RHOU: variants seen among roughly 807,000 people sequenced by gnomAD.
RHOU encodes rho-related GTP-binding protein RhoU.
A neutral mutation model predicts 12.6 loss-of-function variants in RHOU; 8 were observed. The ratio of observed to expected loss-of-function variants is 0.64; its 90% CI spans 0.37 to 1.15. RHOU has a LOEUF of 1.15. Ranked by LOEUF, RHOU falls within the 50% of genes most tolerant of loss-of-function variation. The pLI, the probability that RHOU is intolerant of heterozygous loss-of-function variation, is 0.01. For missense variants in RHOU, 258 were observed against 347.0 expected (o/e 0.74, Z 2.04); for synonymous variants, 161 against 147.4 (o/e 1.09, Z -0.67).
chr1:228,733,862 G>A (rs754163329), upstream of RHOU, among the ~76,000 whole-genome samples: 8 of 152,216 alleles, frequency 5.3e-5, no homozygotes, highest in Non-Finnish European at 7.3e-5. Flanking sequence ...CAGCCAGGGC[G>A]AGGGAGAGGC....
At chr1:228,714,576 A>T in the RHOU span, among the ~76,000 whole-genome samples, 1 of 151,944 alleles carries the variant, frequency 6.6e-6, no homozygotes, top group African/African-American at 2.4e-5. Flanking sequence ...TATCCATTTC[A>T]CCTAATTTTT....
At chr1:228,712,521 G>A in the RHOU span, among the ~76,000 whole-genome samples, 11 of 151,974 alleles carry the variant, frequency 7.2e-5, no homozygotes, top group Admixed American at 7.2e-4. Flanking sequence ...GGACATGCAT[G>A]AAATTGGAAA....
At chr1:228,730,923 G>A (rs984446416), upstream of RHOU, among the ~76,000 whole-genome samples, 1 of 152,176 alleles carries the variant, frequency 6.6e-6, no homozygotes, top group Admixed American at 6.5e-5. Flanking sequence ...GGAATATGTT[G>A]AGCAGATAAA....
At position 228,743,444 on chromosome 1, in the gene RHOU, A is replaced by G. The variant is rs752156917; in HGVS notation, c.481A>G (p.Thr161Ala). The change falls in exon 3 of 3, where the codon ACG (threonine) becomes GCG (alanine). Residue 161 changes from threonine to alanine, a missense_variant. Transcript: ENST00000366691. This position sits in a 1 kb window ranked among gnomAD's most constrained non-coding sequence, Gnocchi z 5.1. ...CAAAGCCCCCATCATCCTAGTTGGA[A>G]CGCAGTCGGATCTCAGAGAAGATGT... Reference protein sequence around the residue: ...CPKAPIILVGTQSDLREDVKV... With the variant: ...CPKAPIILVGAQSDLREDVKV... 3 of 1,614,158 alleles carry G rather than the reference A, an allele frequency of 1.9e-6. No homozygotes were observed. In the Admixed American group the frequency reaches 5.0e-5, roughly 27 times the overall value.
the RHOU span, among the ~76,000 whole-genome samples, chr1:228,651,693 A>G: frequency 6.6e-6 from 1 of 152,210 alleles, no homozygotes; most frequent in African/African-American, 2.4e-5. Context: ...TAAGGCAATA[A>G]ATACCTGCAG....
the RHOU span, among the ~76,000 whole-genome samples, chr1:228,646,653 A>T: frequency 1.2e-4 from 18 of 145,990 alleles, no homozygotes; most frequent in African/African-American, 4.6e-4. Flanking sequence ...GGCTGGCACT[A>T]GAGGCGGCGG....
chr1:228,657,515 C>T, the RHOU span, among the ~76,000 whole-genome samples: 11 of 152,066 alleles, frequency 7.2e-5, no homozygotes, highest in African/African-American at 2.4e-4. Context: ...TAGTAACAGA[C>T]CATTAAAATA....
chr1:228,703,527 G>GAA, the RHOU span, among the ~76,000 whole-genome samples: 77,186 of 146,586 alleles, frequency 0.53, 22,524 homozygotes, highest in African/African-American at 0.82. Flanking sequence ...CTCCATCTCT[G>GAA]AAAAAAAAAA....
chr1:228,746,017 C>T lies in RHOU; in HGVS notation c.*2277C>T, dbSNP rs1662828299. On this transcript the variant is annotated 3_prime_UTR_variant, in exon 3 of 3. Transcript: ENST00000366691. Reference sequence around the variant, plus strand: ...GCTCAGTGAAGTACACCTGTGTGGCCCAGTTCTGAAAGCTTTATACAGTTG... The same window carrying T: ...GCTCAGTGAAGTACACCTGTGTGGCTCAGTTCTGAAAGCTTTATACAGTTG... 1 of 152,150 alleles carries T rather than the reference C, an allele frequency of 6.6e-6. No individual in the cohort carries two copies. The highest frequency in any genetic ancestry group is 2.1e-4 in the South Asian group (1 of 4,818). The allele number at this position is 152,150 out of a possible 1,614,324, so 9.4% of individuals were successfully genotyped here.
At chr1:228,712,317 C>T in the RHOU span, among the ~76,000 whole-genome samples, 1 of 148,462 alleles carries the variant, frequency 6.7e-6, no homozygotes, top group Non-Finnish European at 1.5e-5. Flanking sequence ...TGGGTATATA[C>T]CCAAAGGACT....
chr1:228,737,726 G>C lies in RHOU; in HGVS notation c.316G>C (p.Gly106Arg), dbSNP rs747703633. 6.2e-7 allele frequency: 1 copy of C among 1,614,032 alleles called. No homozygotes were observed. Among genetic ancestry groups the C allele is most frequent in the Non-Finnish European group, 8.5e-7 (1 of 1,179,926 alleles). ...GAGACTCCAACTCTGTGACACTGCC[G>C]GACAGGTCAGTATCACGTTACAGCT... Reference protein sequence around the residue: ...PVRLQLCDTAGQDEFDKLRPL... With the variant: ...PVRLQLCDTARQDEFDKLRPL... The change falls in exon 2 of 3, where the codon GGA (glycine) becomes CGA (arginine). Residue 106 changes from glycine to arginine, a missense_variant. Physicochemically the swap from Gly to Arg is moderately radical, Grantham distance 125 (BLOSUM62 -2). Transcript: ENST00000366691. This position sits in a 1 kb window ranked among gnomAD's most constrained non-coding sequence, Gnocchi z 4.1.
chr1:228,677,135 C>A, the RHOU span, among the ~76,000 whole-genome samples: 2 of 152,090 alleles, frequency 1.3e-5, no homozygotes, highest in Non-Finnish European at 2.9e-5. Flanking sequence ...GCGTGGGAAC[C>A]TACAGTGGGA....
chr1:228,743,825 T>A lies in RHOU; in HGVS notation c.*85T>A. Reference sequence around the variant, plus strand: ...AGCTGAAACAACTCCTTTTACTGCGTAGAACCTATATCGAGAGTGTGTGTA... The same window carrying A: ...AGCTGAAACAACTCCTTTTACTGCGAAGAACCTATATCGAGAGTGTGTGTA... On this transcript the variant is annotated 3_prime_UTR_variant, in exon 3 of 3. Coordinates refer to ENST00000366691, the MANE Select transcript of RHOU (RefSeq NM_021205.6). The surrounding 1 kb of genome is among the most constrained non-coding windows in gnomAD (Gnocchi z 5.1). The A allele has an allele frequency of 8.8e-7, 1 of 1,134,318 alleles. No homozygotes were observed. The allele number at this position is 1,134,318 out of a possible 1,614,324, so 70.3% of individuals were successfully genotyped here.
chr1:228,725,821 T>C, the RHOU span, among the ~76,000 whole-genome samples: 1 of 152,018 alleles, frequency 6.6e-6, no homozygotes, highest in Non-Finnish European at 1.5e-5. Flanking sequence ...GTTTAACGAG[T>C]CTTGGAGTTA....
In RHOU at chr1:228,737,936, T is replaced by C. The variant is rs1345673596; in HGVS notation, c.321+205T>C. Among the ~76,000 whole-genome samples, 3 of 152,084 alleles carry C rather than the reference T, an allele frequency of 2.0e-5. No individual in the cohort carries two copies. Among genetic ancestry groups the C allele is most frequent in the Non-Finnish European group, 2.9e-5 (2 of 68,008 alleles). ...GCAGAGGAAGATACCTCCAAACTAA[T>C]AAAGCAGGGTTTGGCCCAGCTCTGC... is the stretch of plus-strand genomic sequence containing the variant. On this transcript the variant is annotated intron_variant, in intron 2 of 2. Transcript: ENST00000366691. The surrounding 1 kb of genome is among the most constrained non-coding windows in gnomAD (Gnocchi z 4.1).
chr1:228,656,164 T>C, the RHOU span, among the ~76,000 whole-genome samples: 1 of 152,024 alleles, frequency 6.6e-6, no homozygotes, highest in African/African-American at 2.4e-5. Flanking sequence ...ATAAATATCT[T>C]TTTTTTTGTT....
the RHOU span, among the ~76,000 whole-genome samples, chr1:228,681,754 A>G: frequency 6.6e-6 from 1 of 152,142 alleles, no homozygotes; most frequent in African/African-American, 2.4e-5. Flanking sequence ...AGAGGTTTTA[A>G]GCTCTTGAGA....
chr1:228,736,011 TGGCCGGGGGGCCGG>T lies in RHOU; in HGVS notation c.262+17_262+30del, dbSNP rs760849469. On this transcript the variant is annotated splice_region_variant and intron_variant, in intron 1 of 2. Transcript: ENST00000366691. ...GCCTTCGACAACTTCTCCGGTGAGC[TGGCCGGGGGGCCGG>T]GGCCGGGGGCGCGTGGCCGCGGTCC... 4 of 1,560,786 alleles carry T rather than the reference TGGCCGGGGGGCCGG, an allele frequency of 2.6e-6. No homozygotes were observed. Among genetic ancestry groups the T allele is most frequent in the South Asian group, 2.3e-5 (2 of 88,770 alleles).
the RHOU span, among the ~76,000 whole-genome samples, chr1:228,727,914 G>A: frequency 6.6e-6 from 1 of 152,142 alleles, no homozygotes; most frequent in Non-Finnish European, 1.5e-5. Flanking sequence ...TGAGAATTTG[G>A]GCAGCTGGGG....
Sources: gnomAD v4.1 joint callset for allele counts (sites outside exome capture counted in the v4.1 genomes callset) on GRCh38, gnomAD v4.1.1 for gene constraint, Gnocchi (gnomAD v3.1) non-coding constraint, MANE v1.5 for transcripts, NCBI Gene and HGNC (gene_info 2026-07-23, HGNC 2026-07-21) for gene names.